Variants in PCDHGB4 observed in about 807,000 individuals in gnomAD.
The protein encoded by PCDHGB4 is protocadherin gamma-B4.
PCDHGB4 carries 38 observed loss-of-function variants against 60.5 expected under a neutral mutation model. That is an observed-to-expected ratio of 0.63 (90% CI 0.48 to 0.82). The LOEUF is 0.82. Among genes scored for constraint, PCDHGB4 ranks in the 40% least tolerant of loss-of-function variants. PCDHGB4 has a pLI of 0.00. For synonymous variants in PCDHGB4, 456 were observed against 509.7 expected (o/e 0.89, Z 1.42); for missense variants, 1,109 against 1,209.6 (o/e 0.92, Z 1.23).
chr5:141,479,188 A>G (rs2099489531), intron 1 of PCDHGB4: 1 of 152,606 alleles, frequency 6.6e-6, no homozygotes. Context: ...TAGAAAATTC[A>G]GAAAATACAG....
At chr5:141,442,837 A>G (rs2098346617) in intron 1 of PCDHGB4, among the ~76,000 whole-genome samples, 1 of 152,202 alleles carries the variant, frequency 6.6e-6, no homozygotes, top group Admixed American at 6.5e-5. Flanking sequence ...GGGAGGGACA[A>G]ATCTTGGCCA....
At position 141,432,818 on chromosome 5, in the gene PCDHGB4, T is replaced by C. The variant is rs370597280; in HGVS notation, c.2397+42537T>C. On this transcript the variant is annotated intron_variant, in intron 1 of 3. Transcript: ENST00000519479. This position sits in a 1 kb window ranked among gnomAD's most constrained non-coding sequence, Gnocchi z 6.0. The stretch of plus-strand genomic sequence containing the variant: ...CGAGTCTCCAGCTAACTCTGAAACC[T>C]CAGACCTCACTCTGTACCTGGTGGT... 9.9e-6 allele frequency: 16 copies of C among 1,614,106 alleles called. No individual in the cohort carries two copies. The highest frequency in any genetic ancestry group is 1.4e-5 in the Non-Finnish European group (16 of 1,179,986).
At chr5:141,459,237 C>T (rs1004453705) in intron 1 of PCDHGB4, among the ~76,000 whole-genome samples, 1 of 152,214 alleles carries the variant, frequency 6.6e-6, no homozygotes, top group Admixed American at 6.5e-5. Flanking sequence ...AACTGGTCTG[C>T]TTCCTGTCAC....
At chr5:141,390,355 T>C in intron 1 of PCDHGB4, 74 bp downstream of exon 1, 1 of 1,554,132 alleles carries the variant, frequency 6.4e-7, no homozygotes, top group Non-Finnish European at 8.8e-7. Flanking sequence ...AATATACATA[T>C]TTGCAGGAAA....
chr5:141,413,841 T>G, intron 1 of PCDHGB4: 1 of 1,613,060 alleles, frequency 6.2e-7, no homozygotes, highest in Non-Finnish European at 8.5e-7. Context: ...CCGACGGGGG[T>G]GACCCTCTCC....
chr5:141,399,355 C>A (rs1437917208), intron 1 of PCDHGB4: 1 of 1,614,006 alleles, frequency 6.2e-7, no homozygotes, highest in South Asian at 1.1e-5. Flanking sequence ...AGACCGAGAG[C>A]AAACCCCGGA....
chr5:141,427,810 G>T, intron 1 of PCDHGB4: 1 of 1,523,990 alleles, frequency 6.6e-7, no homozygotes, highest in Non-Finnish European at 9.0e-7. Flanking sequence ...AGCGCACAGA[G>T]CGGGGTGGTG....
chr5:141,494,237 G>A (rs555725765), intron 1 of PCDHGB4, among the ~76,000 whole-genome samples: 3 of 152,312 alleles, frequency 2.0e-5, no homozygotes, highest in East Asian at 3.9e-4. Flanking sequence ...AATTAATAAT[G>A]TATTTAGCTG....
Position 141,389,537 on chromosome 5 carries a change from C to T in PCDHGB4, c.1653C>T (p.Asp551=). 2 of 1,613,216 alleles carry T rather than the reference C, an allele frequency of 1.2e-6. No homozygotes were observed. Among genetic ancestry groups the T allele is most frequent in the Non-Finnish European group, 8.5e-7 (1 of 1,179,760 alleles). The stretch of plus-strand genomic sequence containing the variant: ...ACGTGAGCCTGCGCGTGTTAGTGGA[C>T]GACCGCAACGACAATGCGCCACGGG... ...SANVSLRVLV[D]DRNDNAPRVL... The change falls in exon 1 of 4, where the codon GAC becomes GAT. Residue 551 remains aspartate (D), a synonymous_variant. Coordinates refer to ENST00000519479, the MANE Select transcript of PCDHGB4 (RefSeq NM_003736.4).
chr5:141,438,586 A>G (rs949534736), intron 1 of PCDHGB4, among the ~76,000 whole-genome samples: 2 of 56,254 alleles, frequency 3.6e-5, no homozygotes, highest in South Asian at 6.2e-4. Context: ...ATACATACAT[A>G]CATACATATA....
chr5:141,419,742 T>G (rs1388509503), intron 1 of PCDHGB4: 3 of 1,613,742 alleles, frequency 1.9e-6, no homozygotes, highest in Non-Finnish European at 2.5e-6. Flanking sequence ...GAGGTGCGCA[T>G]GGTGCGTGCT....
chr5:141,487,477 C>A lies in PCDHGB4; in HGVS notation c.2398-7330C>A, dbSNP rs748435479. On this transcript the variant is annotated intron_variant, in intron 1 of 3. Transcript: ENST00000519479. The surrounding 1 kb of genome is among the most constrained non-coding windows in gnomAD (Gnocchi z 5.0). ...TCAAGTTTGTTGATGTGGGAGGCCA[C>A]TCTCATGGCTGTACACCCTTGGCTT... 1 of 1,614,200 alleles carries A rather than the reference C, an allele frequency of 6.2e-7. No individual in the cohort carries two copies. The highest frequency in any genetic ancestry group is 1.7e-5 in the Admixed American group (1 of 60,030).
In PCDHGB4 at chr5:141,423,758, G is replaced by T. The variant is rs1192987646; in HGVS notation, c.2397+33477G>T. Reference sequence around the variant, plus strand: ...CTGTTATGAAAACTGTTTGGGGGGGGGGTGGGGCGGCATATATTTAGTTCA... The same window carrying T: ...CTGTTATGAAAACTGTTTGGGGGGGTGGTGGGGCGGCATATATTTAGTTCA... On this transcript the variant is annotated intron_variant, in intron 1 of 3. Transcript: ENST00000519479. 1.4e-4 allele frequency: 53 copies of T among 366,832 alleles called. 6 individuals carry two copies. The highest frequency in any genetic ancestry group is 3.4e-4 in the South Asian group (4 of 11,762). 22.7% of individuals were successfully genotyped at this position (366,832 alleles called of 1,614,324 possible).
intron 1 of PCDHGB4, chr5:141,394,313 C>T (rs2092972755): frequency 1.2e-6 from 2 of 1,614,022 alleles, no homozygotes; most frequent in East Asian, 2.2e-5. Flanking sequence ...AGGGGGCGCC[C>T]CTGTCCTCGT....
intron 1 of PCDHGB4, among the ~76,000 whole-genome samples, chr5:141,438,252 G>A (rs1181991674): frequency 6.6e-6 from 1 of 152,072 alleles, no homozygotes. Context: ...AACTGTCATT[G>A]AAGAGACCAT....
intron 1 of PCDHGB4, 167 bp downstream of exon 1, chr5:141,390,448 A>C (rs1023664408): frequency 3.5e-6 from 3 of 845,190 alleles, no homozygotes; most frequent in Non-Finnish European, 5.4e-6. Context: ...ACAAAGGAGG[A>C]GTAAAGTAGG....
At chr5:141,510,349 C>T (rs1461596705) in intron 3 of PCDHGB4, among the ~76,000 whole-genome samples, 1 of 148,468 alleles carries the variant, frequency 6.7e-6, no homozygotes, top group Non-Finnish European at 1.5e-5. Context: ...CACACACTTA[C>T]TAACGGAACT....
At chr5:141,453,652 T>C (rs1302902554) in intron 1 of PCDHGB4, among the ~76,000 whole-genome samples, 1 of 152,252 alleles carries the variant, frequency 6.6e-6, no homozygotes, top group Non-Finnish European at 1.5e-5. Context: ...TTATGTCCTC[T>C]TCTTTCTTAC....
chr5:141,423,494 A>C lies in PCDHGB4; in HGVS notation c.2397+33213A>C, dbSNP rs753859784. ...CAGGCTTTCCTGCAAACCTATTCCCACGAGGTCTCTCTCATTGCGGACTCG... is the reference window on the plus strand; with the variant it reads ...CAGGCTTTCCTGCAAACCTATTCCCCCGAGGTCTCTCTCATTGCGGACTCG... On this transcript the variant is annotated intron_variant, in intron 1 of 3. Transcript: ENST00000519479. The C allele has an allele frequency of 3.8e-5, 61 of 1,613,842 alleles. No individual in the cohort carries two copies. The highest frequency in any genetic ancestry group is 5.9e-6 in the Non-Finnish European group (7 of 1,179,940).
Sources: allele counts gnomAD v4.1 joint callset (sites outside exome capture counted in the v4.1 genomes callset), GRCh38; gene constraint gnomAD v4.1.1; non-coding constraint Gnocchi (gnomAD v3.1); transcripts MANE v1.5; gene names NCBI Gene and HGNC (gene_info 2026-07-23, HGNC 2026-07-21).